MAN2A1: variants seen among roughly 807,000 people sequenced by gnomAD.
The protein encoded by MAN2A1 is alpha-mannosidase 2.
A neutral mutation model predicts 142.6 loss-of-function variants in MAN2A1; 76 were observed. That is an observed-to-expected ratio of 0.53 (90% CI 0.44 to 0.65). The LOEUF is 0.65. MAN2A1 is among the 30% of genes least tolerant of loss of function. The probability of loss-of-function intolerance (pLI) is 0.00; values close to 1 mark genes in which losing one functional copy is unlikely to be tolerated. For synonymous variants in MAN2A1, 559 were observed against 473.2 expected (o/e 1.18, Z -2.35); for missense variants, 1,311 against 1,365.1 (o/e 0.96, Z 0.62).
intron 7 of MAN2A1, among the ~76,000 whole-genome samples, chr5:109,772,605 C>T (rs1468797399): frequency 2.0e-5 from 3 of 152,054 alleles, no homozygotes; most frequent in East Asian, 1.9e-4. Context: ...CACCTGGGCT[C>T]ATGCAATTCT....
At chr5:109,801,036 T>A (rs749602575) in intron 12 of MAN2A1, among the ~76,000 whole-genome samples, 1 of 152,226 alleles carries the variant, frequency 6.6e-6, no homozygotes, top group Non-Finnish European at 1.5e-5. Flanking sequence ...CCAATATGAC[T>A]TCTTGTATGT....
At chr5:109,753,584 G>GT (rs1172585423) in intron 4 of MAN2A1, among the ~76,000 whole-genome samples, 2 of 152,102 alleles carry the variant, frequency 1.3e-5, no homozygotes, top group South Asian at 2.1e-4. Flanking sequence ...TTATTTGATT[G>GT]TTTTTTAGAA....
At chr5:109,725,032 T>C (rs1456737821) in intron 3 of MAN2A1, among the ~76,000 whole-genome samples, 12 of 152,212 alleles carry the variant, frequency 7.9e-5, no homozygotes, top group African/African-American at 7.2e-5. Flanking sequence ...CTTGCTCTTA[T>C]ATGTTTGCAG....
intron 14 of MAN2A1, 42 bp downstream of exon 14, chr5:109,819,929 T>G: frequency 7.3e-7 from 1 of 1,361,344 alleles, no homozygotes; most frequent in Non-Finnish European, 1.0e-6. Flanking sequence ...ATGCTTATCA[T>G]TTTTGCTACA....
chr5:109,722,784 T>C (rs1751641325), intron 3 of MAN2A1, among the ~76,000 whole-genome samples: 1 of 152,190 alleles, frequency 6.6e-6, no homozygotes, highest in African/African-American at 2.4e-5. Flanking sequence ...TGTCTAAAGC[T>C]AAGTAGCCCC....
intron 12 of MAN2A1, among the ~76,000 whole-genome samples, chr5:109,801,874 C>G (rs575918642): frequency 6.6e-6 from 1 of 152,132 alleles, no homozygotes; most frequent in African/African-American, 2.4e-5. Flanking sequence ...AAGAAAAGCT[C>G]ATAAAATAAG....
At chr5:109,697,573 G>A (rs1272233793) in intron 1 of MAN2A1, among the ~76,000 whole-genome samples, 1 of 152,176 alleles carries the variant, frequency 6.6e-6, no homozygotes, top group Admixed American at 6.5e-5. Context: ...ACATTTTTAA[G>A]TGGTTTAATA....
intron 20 of MAN2A1, among the ~76,000 whole-genome samples, chr5:109,857,728 T>C (rs1755659862): frequency 6.6e-6 from 1 of 152,220 alleles, no homozygotes; most frequent in Non-Finnish European, 1.5e-5. Context: ...ACAAATCTAA[T>C]CACTTCTCAG....
intron 19 of MAN2A1, among the ~76,000 whole-genome samples, chr5:109,853,026 C>G (rs1157772856): frequency 6.6e-6 from 1 of 152,162 alleles, no homozygotes; most frequent in African/African-American, 2.4e-5. Flanking sequence ...TATAAACTTC[C>G]TTATCTTTCT....
In MAN2A1 at chr5:109,847,662, A is replaced by T. The variant is rs755128399; in HGVS notation, c.2848A>T (p.Ile950Phe). 1 of 1,545,950 alleles carries T rather than the reference A, an allele frequency of 6.5e-7. No homozygotes were observed. Among genetic ancestry groups the T allele is most frequent in the Non-Finnish European group, 8.7e-7 (1 of 1,147,302 alleles). ...TTTGTTTGTTTGTGTGTTAGGTCAGATTGAAGTTATCATGGATCGAAGACT... is the reference window on the plus strand; with the variant it reads ...TTTGTTTGTTTGTGTGTTAGGTCAGTTTGAAGTTATCATGGATCGAAGACT... ...LGVSSLNSGQIEVIMDRRLMQ... is the reference protein window; with the variant it reads ...LGVSSLNSGQFEVIMDRRLMQ... Residue 950 changes from isoleucine (I) to phenylalanine (F), a missense_variant, in exon 19 of 22, where the codon ATT becomes TTT. By Grantham distance (21) the Ile-to-Phe change is conservative. This residue lies in a region of MAN2A1 where 890 missense variants were observed against 920.5 expected (regional missense o/e 0.97). Transcript: ENST00000261483.
chr5:109,800,738 T>C (rs1035598583), intron 12 of MAN2A1, among the ~76,000 whole-genome samples: 2 of 152,172 alleles, frequency 1.3e-5, no homozygotes, highest in African/African-American at 4.8e-5. Context: ...TTTTCAAGTT[T>C]TATGGAGTAA....
intron 21 of MAN2A1, among the ~76,000 whole-genome samples, chr5:109,866,517 T>A (rs1039729273): frequency 2.6e-5 from 4 of 152,192 alleles, no homozygotes; most frequent in African/African-American, 9.6e-5. Context: ...AAAAAGCCCC[T>A]GTGCATGATA....
intron 15 of MAN2A1, among the ~76,000 whole-genome samples, chr5:109,822,218 C>T (rs1561529701): frequency 6.8e-6 from 1 of 147,352 alleles, no homozygotes; most frequent in African/African-American, 2.5e-5. Context: ...CAAACTACAA[C>T]TCATATGAGG....
chr5:109,757,864 A>C (rs773623396), intron 5 of MAN2A1, among the ~76,000 whole-genome samples: 6 of 152,158 alleles, frequency 3.9e-5, no homozygotes, highest in Admixed American at 6.5e-5. Flanking sequence ...ATTATAGCAT[A>C]TATCAGTGCT....
intron 4 of MAN2A1, among the ~76,000 whole-genome samples, chr5:109,735,301 A>G (rs1201991124): frequency 6.6e-6 from 1 of 152,134 alleles, no homozygotes; most frequent in African/African-American, 2.4e-5. Flanking sequence ...AATACAGCAC[A>G]CTGATGGGTC....
chr5:109,819,376 G>A (rs759847013), intron 13 of MAN2A1, among the ~76,000 whole-genome samples: 1 of 152,086 alleles, frequency 6.6e-6, no homozygotes, highest in African/African-American at 2.4e-5. Flanking sequence ...ATCCTCTTGT[G>A]TATTTTAAAT....
chr5:109,863,760 A>G (rs1354750441), intron 20 of MAN2A1: 1 of 152,204 alleles, frequency 6.6e-6, no homozygotes, highest in Non-Finnish European at 1.5e-5. Context: ...TGTTATTTTT[A>G]TAGTACATGG....
chr5:109,869,244 G>C lies in MAN2A1; in HGVS notation c.*2246G>C, dbSNP rs994096099. On this transcript the variant is annotated 3_prime_UTR_variant, in exon 22 of 22. Coordinates refer to ENST00000261483, the MANE Select transcript of MAN2A1 (RefSeq NM_002372.4). ...TGTGATCTCAGTGGCATATTTATTT[G>C]GTTAGGTTTCGTTACATTTATTATT... 2.0e-5 allele frequency: 3 copies of C among 152,134 alleles called. No individual in the cohort carries two copies. The highest frequency in any genetic ancestry group is 6.5e-5 in the Admixed American group (1 of 15,276). 9.4% of individuals were successfully genotyped at this position (152,134 alleles called of 1,614,324 possible).
intron 5 of MAN2A1, among the ~76,000 whole-genome samples, chr5:109,763,887 C>T (rs905529931): frequency 7.2e-5 from 11 of 152,038 alleles, no homozygotes; most frequent in South Asian, 4.2e-4. Context: ...CTGCAACCTC[C>T]GCCTGCTGGG....
Sources: gnomAD v4.1 joint callset for allele counts (sites outside exome capture counted in the v4.1 genomes callset) on GRCh38, gnomAD v4.1.1 for gene constraint, gnomAD v4.1.1 regional missense constraint, MANE v1.5 for transcripts, NCBI Gene and HGNC (gene_info 2026-07-23, HGNC 2026-07-21) for gene names.